Variants in SNX3 observed in about 807,000 individuals in gnomAD.
SNX3 encodes the protein sorting nexin 3.
A neutral mutation model predicts 17.7 loss-of-function variants in SNX3; 5 were observed. The ratio of observed to expected loss-of-function variants is 0.28; its 90% confidence interval spans 0.15 to 0.59. SNX3 has a LOEUF of 0.59. SNX3 is among the 20% of genes least tolerant of loss of function. The probability of loss-of-function intolerance (pLI) is 0.88; values close to 1 mark genes in which losing one functional copy is unlikely to be tolerated. For missense variants in SNX3, 132 were observed against 206.8 expected (o/e 0.64, Z 2.22); for synonymous variants, 91 against 76.5 (o/e 1.19, Z -0.99).
chr6:108,219,690 T>C (rs892564949), intron 2 of SNX3, among the ~76,000 whole-genome samples: 3 of 152,234 alleles, frequency 2.0e-5, no homozygotes, highest in African/African-American at 2.4e-5. Context: ...AATAGACAAA[T>C]ATTTCAACTC....
intron 1 of SNX3, among the ~76,000 whole-genome samples, chr6:108,246,765 G>A (rs1227631419): frequency 4.0e-5 from 6 of 151,732 alleles, no homozygotes; most frequent in East Asian, 3.9e-4. Context: ...TGGAGTGCAG[G>A]GGCAAGATCA....
At chr6:108,259,802 ATAG>A (rs1308503994) in intron 1 of SNX3, among the ~76,000 whole-genome samples, 1 of 152,224 alleles carries the variant, frequency 6.6e-6, no homozygotes, top group Non-Finnish European at 1.5e-5. Context: ...TTAAATGTTA[ATAG>A]TAGCTTGTCA....
intron 1 of SNX3, among the ~76,000 whole-genome samples, chr6:108,237,782 T>C (rs1775394704): frequency 6.7e-6 from 1 of 149,042 alleles, no homozygotes; most frequent in Non-Finnish European, 1.5e-5. Flanking sequence ...AGAGTGAGAC[T>C]CTATTTCAAA....
chr6:108,223,833 C>A (rs533440877), intron 1 of SNX3, among the ~76,000 whole-genome samples: 10 of 152,084 alleles, frequency 6.6e-5, no homozygotes, highest in Non-Finnish European at 1.3e-4. Context: ...CACAAGAACA[C>A]AACTTTTAAA....
chr6:108,229,259 CAAA>C lies in SNX3; in HGVS notation c.163-6217_163-6215del, dbSNP rs778617695. ...TGGGCGACAGAGCGAGACTCCACCT[CAAA>C]AAAAAAAAAAAAAAAAAAGTTTCAG... On this transcript the variant is annotated intron_variant, in intron 1 of 3. Coordinates refer to ENST00000230085, the MANE Select transcript of SNX3 (RefSeq NM_003795.6). Among the ~76,000 whole-genome samples, 477 of 68,780 alleles carry C rather than the reference CAAA, an allele frequency of 6.9e-3. 3 individuals are homozygous for C. The highest frequency in any genetic ancestry group is 0.02 in the African/African-American group (446 of 22,242). 45.1% of individuals were successfully genotyped at this position (68,780 alleles called of 152,430 possible). A position where few individuals can be genotyped will look rare whatever the true frequency, so the allele number is the denominator to read the frequency against.
At chr6:108,221,532 CTTTTTTTTTT>C (rs554429322) in intron 2 of SNX3, among the ~76,000 whole-genome samples, 621 of 57,768 alleles carry the variant, frequency 0.011, 7 homozygotes, top group African/African-American at 0.03. Flanking sequence ...CAGTATTACA[CTTTTTTTTTT>C]TTTTTTTTTT....
intron 2 of SNX3, among the ~76,000 whole-genome samples, 176 bp downstream of exon 2, chr6:108,222,774 A>C (rs1449803323): frequency 6.6e-6 from 1 of 152,196 alleles, no homozygotes; most frequent in African/African-American, 2.4e-5. Flanking sequence ...GACAAGAGAA[A>C]GAGTTCTAAG....
chr6:108,245,782 C>T (rs1377966634), intron 1 of SNX3, among the ~76,000 whole-genome samples: 1 of 152,162 alleles, frequency 6.6e-6, no homozygotes, highest in African/African-American at 2.4e-5. Flanking sequence ...ATCCTTTGCC[C>T]ACTTTTTGAA....
At chr6:108,250,447 A>G (rs1775818166) in intron 1 of SNX3, among the ~76,000 whole-genome samples, 1 of 152,190 alleles carries the variant, frequency 6.6e-6, no homozygotes, top group Non-Finnish European at 1.5e-5. Context: ...GTAAGCCCAT[A>G]ATTTGCCAAC....
intron 1 of SNX3, among the ~76,000 whole-genome samples, chr6:108,241,825 T>C (rs1356185671): frequency 6.6e-6 from 1 of 152,162 alleles, no homozygotes; most frequent in Non-Finnish European, 1.5e-5. Flanking sequence ...GTGTGAGCCA[T>C]AGACAGGAGG....
chr6:108,214,455 C>T, intron 3 of SNX3, 43 bp downstream of exon 3: 2 of 1,587,698 alleles, frequency 1.3e-6, no homozygotes, highest in East Asian at 2.2e-5. Flanking sequence ...TACAAGTAGT[C>T]ACTTAAAGTA....
At chr6:108,222,909 G>T in intron 2 of SNX3, 41 bp downstream of exon 2, 2 of 1,111,552 alleles carry the variant, frequency 1.8e-6, no homozygotes, top group South Asian at 1.3e-5. Context: ...ATTAAAACTT[G>T]GAATGTTTTG....
rs1345107306 is a variant in SNX3 at position 108,215,349 on chromosome 6, GA to G, written c.259-728del. Among the ~76,000 whole-genome samples, 512 of 95,736 alleles carry G rather than the reference GA, an allele frequency of 5.3e-3. 1 individual carries two copies. The highest frequency in any genetic ancestry group is 0.034 in the South Asian group (103 of 3,004). 62.8% of individuals were successfully genotyped at this position (95,736 alleles called of 152,430 possible). ...GGGCTACAGAGTGAGACTCCGTCTA[GA>G]AAAAAAAAAAAAAAAAGATTTCTGG... On this transcript the variant is annotated intron_variant, in intron 2 of 3. Transcript: ENST00000230085.
chr6:108,215,511 A>C (rs2114705008), intron 2 of SNX3, among the ~76,000 whole-genome samples: 1 of 152,260 alleles, frequency 6.6e-6, no homozygotes, highest in East Asian at 1.9e-4. Flanking sequence ...CAAATGCCCT[A>C]TCCTGCTGTC....
intron 1 of SNX3, among the ~76,000 whole-genome samples, chr6:108,246,362 T>C (rs1452781314): frequency 6.9e-6 from 1 of 145,904 alleles, no homozygotes; most frequent in African/African-American, 2.6e-5. Flanking sequence ...TCATGCTCTG[T>C]TGCCCTGGCT....
At chr6:108,247,033 C>A (rs556508384) in intron 1 of SNX3, among the ~76,000 whole-genome samples, 1 of 152,264 alleles carries the variant, frequency 6.6e-6, no homozygotes, top group East Asian at 1.9e-4. Flanking sequence ...CACGTGTAAA[C>A]CCCCAGGTGA....
intron 1 of SNX3, among the ~76,000 whole-genome samples, chr6:108,249,996 C>T (rs745959570): frequency 5.9e-5 from 9 of 152,070 alleles, no homozygotes; most frequent in Admixed American, 2.0e-4. Context: ...CTGTAACCTC[C>T]GCCCCCAGGG....
chr6:108,248,870 C>T (rs2114759939), intron 1 of SNX3, among the ~76,000 whole-genome samples: 1 of 152,120 alleles, frequency 6.6e-6, no homozygotes, highest in African/African-American at 2.4e-5. Flanking sequence ...AAATGATTCT[C>T]CCACCTCAAC....
intron 1 of SNX3, among the ~76,000 whole-genome samples, chr6:108,254,875 C>CA (rs1329184589): frequency 6.6e-6 from 1 of 152,094 alleles, no homozygotes; most frequent in African/African-American, 2.4e-5. Context: ...GAAGTGTGTG[C>CA]AAAAGGCCTG....
Sources: gnomAD v4.1 joint callset for allele counts (sites outside exome capture counted in the v4.1 genomes callset) on GRCh38, gnomAD v4.1.1 for gene constraint, MANE v1.5 for transcripts, NCBI Gene and HGNC (gene_info 2026-07-23, HGNC 2026-07-21) for gene names.